ZNF600: variants seen among roughly 807,000 people sequenced by gnomAD.
ZNF600 encodes zinc finger protein KR-ZNF1.
ZNF600 carries 4 observed loss-of-function variants against 7.3 expected under a neutral mutation model. The ratio of observed to expected loss-of-function variants is 0.55; its 90% CI spans 0.27 to 1.25. The LOEUF (loss-of-function observed/expected upper bound fraction) is 1.25, where lower values mean the gene tolerates loss of function less well. ZNF600 is among the 50% of genes most tolerant of loss of function. ZNF600 has a pLI of 0.12. For synonymous variants in ZNF600, 290 were observed against 308.9 expected (o/e 0.94, Z 0.64); for missense variants, 911 against 922.1 (o/e 0.99, Z 0.16).
the ZNF600 span, among the ~76,000 whole-genome samples, chr19:52,822,073 C>CTTTTTTTTT: frequency 1.2e-5 from 1 of 84,908 alleles, no homozygotes; most frequent in African/African-American, 4.2e-5. Context: ...TTTCTTTTTC[C>CTTTTTTTTT]CTTTTTTTTT....
intron 1 of ZNF600, among the ~76,000 whole-genome samples, chr19:52,782,456 A>G (rs2062730563): frequency 6.6e-6 from 1 of 151,728 alleles, no homozygotes; most frequent in Admixed American, 6.6e-5. Flanking sequence ...CCCAGAGGCG[A>G]AGTTTGTGAT....
At chr19:52,818,284 C>T in the ZNF600 span, among the ~76,000 whole-genome samples, 3 of 152,134 alleles carry the variant, frequency 2.0e-5, no homozygotes, top group African/African-American at 7.2e-5. Flanking sequence ...AATACAAAAA[C>T]TTAGCCAGAT....
At chr19:52,806,509 TAA>T in the ZNF600 span, among the ~76,000 whole-genome samples, 1 of 151,966 alleles carries the variant, frequency 6.6e-6, no homozygotes. Flanking sequence ...ATGGTAATTT[TAA>T]GTTTCTTTAT....
At chr19:52,805,746 G>A in the ZNF600 span, 1 of 152,052 alleles carries the variant, frequency 6.6e-6, no homozygotes, top group African/African-American at 2.4e-5. Context: ...ACTTTGGGAG[G>A]ATGAGCTGGG....
the ZNF600 span, chr19:52,809,822 A>AGGCAGCGGC: frequency 0.49 from 259,630 of 524,772 alleles, 69,272 homozygotes; most frequent in Non-Finnish European, 0.6. Flanking sequence ...TGAGCGGCGA[A>AGGCAGCGGC]GGCGGCGGCG....
chr19:52,774,085 G>T (rs568850663), intron 3 of ZNF600, among the ~76,000 whole-genome samples: 4 of 151,986 alleles, frequency 2.6e-5, no homozygotes, highest in South Asian at 4.2e-4. Flanking sequence ...ATAAATATAT[G>T]AACAAAATGT....
chr19:52,775,192 A>G (rs554846045), intron 2 of ZNF600, among the ~76,000 whole-genome samples: 1 of 152,244 alleles, frequency 6.6e-6, no homozygotes, highest in Non-Finnish European at 1.5e-5. Flanking sequence ...GTGAGCCAAG[A>G]TCGCACCACT....
chr19:52,794,849 T>G, the ZNF600 span, among the ~76,000 whole-genome samples: 3 of 151,476 alleles, frequency 2.0e-5, no homozygotes, highest in African/African-American at 4.9e-5. Context: ...GTGACACTCT[T>G]GTCTCAAAAA....
the ZNF600 span, among the ~76,000 whole-genome samples, chr19:52,802,209 G>C: frequency 6.6e-6 from 1 of 152,036 alleles, no homozygotes; most frequent in Admixed American, 6.6e-5. Context: ...GATAACAAAA[G>C]ATTATAAAAA....
At chr19:52,779,896 C>T (rs561523473) in intron 1 of ZNF600, among the ~76,000 whole-genome samples, 6 of 152,106 alleles carry the variant, frequency 3.9e-5, no homozygotes, top group African/African-American at 7.2e-5. Flanking sequence ...AAAACTGATC[C>T]GGGCATCTAC....
chr19:52,765,651 G>A, exon 4 of ZNF600: 1 of 1,613,930 alleles, frequency 6.2e-7, no homozygotes, highest in South Asian at 1.1e-5. Context: ...CTTGCTAAAG[G>A]CTTTGCCACA....
At chr19:52,816,029 C>T in the ZNF600 span, among the ~76,000 whole-genome samples, 2 of 146,668 alleles carry the variant, frequency 1.4e-5, no homozygotes, top group African/African-American at 2.6e-5. Context: ...CAGAAATACA[C>T]GTGTACGAGA....
At chr19:52,800,442 T>C in the ZNF600 span, 5 of 1,613,580 alleles carry the variant, frequency 3.1e-6, no homozygotes, top group Non-Finnish European at 4.2e-6. Flanking sequence ...TTCTTCACAT[T>C]TGTATGGTTT....
At chr19:52,820,892 GCTCT>G in the ZNF600 span, among the ~76,000 whole-genome samples, 1 of 151,828 alleles carries the variant, frequency 6.6e-6, no homozygotes, top group Non-Finnish European at 1.5e-5. Flanking sequence ...GTTTTCTACT[GCTCT>G]CTTAGTCCCT....
At chr19:52,795,125 C>T in the ZNF600 span, among the ~76,000 whole-genome samples, 1 of 152,086 alleles carries the variant, frequency 6.6e-6, no homozygotes, top group African/African-American at 2.4e-5. Context: ...CAGGTCAATC[C>T]AGCCCATCCT....
At chr19:52,777,194 C>T (rs10414818) in intron 2 of ZNF600, among the ~76,000 whole-genome samples, 25,269 of 151,356 alleles carry the variant, frequency 0.17, 2,146 homozygotes, top group Middle Eastern at 0.21. Flanking sequence ...CTGACCAATA[C>T]GGTGAAACCC....
chr19:52,766,231 G>T (rs145014889), exon 4 of ZNF600: 3 of 1,613,414 alleles, frequency 1.9e-6, no homozygotes, highest in Middle Eastern at 1.6e-4. Context: ...TATGACCTCA[G>T]ACGGAAGGTC....
rs1246292031 is a variant in ZNF600, at chr19:52,774,795, A to AAGACTGTGTTCTGAC, written c.64-109_64-95dup. ...AAAAGAGAAAATAAGTATTTGATCA[A>AAGACTGTGTTCTGAC]AGACTGTGTTCTGACAAAATGTTAA... On this transcript the variant is annotated intron_variant, in intron 2 of 3. Transcript: ENST00000648973. 5 of 984,994 alleles carry AAGACTGTGTTCTGAC rather than the reference A, an allele frequency of 5.1e-6. No individual in the cohort carries two copies. In the African/African-American group the frequency reaches 8.7e-5, roughly 17 times the overall value. 61.0% of individuals were successfully genotyped at this position (984,994 alleles called of 1,614,324 possible). A position where few individuals can be genotyped will look rare whatever the true frequency, so the allele number is the denominator to read the frequency against.
the ZNF600 span, chr19:52,814,168 G>A: frequency 6.8e-6 from 1 of 146,818 alleles, no homozygotes; most frequent in African/African-American, 2.6e-5. Context: ...GCTGGAAGGA[G>A]GATGGAGGAC....
Sources: gnomAD v4.1 joint callset for allele counts (sites outside exome capture counted in the v4.1 genomes callset) on GRCh38, gnomAD v4.1.1 for gene constraint, MANE v1.5 for transcripts, NCBI Gene and HGNC (gene_info 2026-07-23, HGNC 2026-07-21) for gene names.